The following CCSER1 variants were observed in gnomAD, a reference collection of about 807,000 sequenced individuals.
The protein encoded by CCSER1 is serine-rich coiled-coil domain-containing protein 1.
Under a neutral mutation model 82.0 loss-of-function variants are expected in CCSER1, and 41 were observed. The ratio of observed to expected loss-of-function variants is 0.50; its 90% confidence interval spans 0.39 to 0.65. The LOEUF (loss-of-function observed/expected upper bound fraction) is 0.65. Among genes scored for constraint, CCSER1 ranks in the 30% least tolerant of loss-of-function variants. The probability of loss-of-function intolerance (pLI) is 0.00; values close to 1 mark genes in which losing one functional copy is unlikely to be tolerated. For missense variants in CCSER1, 1,119 were observed against 1,064.2 expected, an observed-to-expected ratio of 1.05 and a Z score of -0.72; for synonymous variants, 414 against 383.9, an observed-to-expected ratio of 1.08 and a Z score of -0.92.
intron 1 of CCSER1, among the ~76,000 whole-genome samples, chr4:90,276,863 A>G (rs1006576510): frequency 3.9e-5 from 6 of 151,982 alleles, no homozygotes; most frequent in African/African-American, 1.5e-4. Flanking sequence ...GTATGTGGCT[A>G]TTGTAAATGA....
intron 10 of CCSER1, chr4:91,108,173 A>G (rs1029531632): frequency 2.6e-5 from 4 of 152,250 alleles, no homozygotes; most frequent in African/African-American, 4.8e-5. Flanking sequence ...TCCAATGTAT[A>G]TCTAATCCAT....
At chr4:90,648,818 A>G (rs1230114134) in intron 6 of CCSER1, among the ~76,000 whole-genome samples, 3 of 152,198 alleles carry the variant, frequency 2.0e-5, no homozygotes, top group Admixed American at 1.3e-4. Context: ...AAAGTAATAT[A>G]CCAGTCAATA....
chr4:91,191,950 T>C (rs915879046), intron 10 of CCSER1, among the ~76,000 whole-genome samples: 2 of 152,200 alleles, frequency 1.3e-5, no homozygotes, highest in African/African-American at 4.8e-5. Flanking sequence ...AGTAGCCTAT[T>C]TTCACTGCTT....
chr4:91,238,157 C>T (rs1005632774), intron 10 of CCSER1, among the ~76,000 whole-genome samples: 2 of 151,916 alleles, frequency 1.3e-5, no homozygotes, highest in Non-Finnish European at 2.9e-5. Context: ...TTGACTTTGA[C>T]GTTATCAAAA....
chr4:90,351,527 G>T (rs1209011991), intron 3 of CCSER1, among the ~76,000 whole-genome samples: 1 of 152,018 alleles, frequency 6.6e-6, no homozygotes, highest in East Asian at 1.9e-4. Context: ...AAATGGAACA[G>T]AATTCCACTT....
intron 10 of CCSER1, among the ~76,000 whole-genome samples, chr4:91,276,546 G>T (rs538000244): frequency 6.6e-6 from 1 of 152,038 alleles, no homozygotes; most frequent in Admixed American, 6.5e-5. Context: ...TTTTGGTGGA[G>T]TCTTTAGCTC....
intron 9 of CCSER1, among the ~76,000 whole-genome samples, chr4:91,024,111 G>A (rs1110742): frequency 0.36 from 54,295 of 151,752 alleles, 10,952 homozygotes; most frequent in East Asian, 0.58. Flanking sequence ...TTCCCTTCCC[G>A]TGATAACCCA....
At chr4:91,326,656 T>C (rs1033036088) in intron 10 of CCSER1, among the ~76,000 whole-genome samples, 52 of 152,132 alleles carry the variant, frequency 3.4e-4, no homozygotes, top group African/African-American at 1.1e-3. Context: ...ACTCATTCCA[T>C]CATTAAGTCA....
At chr4:90,668,073 G>T (rs368664686) in intron 6 of CCSER1, among the ~76,000 whole-genome samples, 2 of 152,236 alleles carry the variant, frequency 1.3e-5, no homozygotes, top group Admixed American at 1.3e-4. Flanking sequence ...GATTTTGGTA[G>T]ATCTAAAGAT....
intron 5 of CCSER1, among the ~76,000 whole-genome samples, chr4:90,508,349 A>G (rs1428487593): frequency 6.6e-6 from 1 of 152,062 alleles, no homozygotes; most frequent in Non-Finnish European, 1.5e-5. Flanking sequence ...TATTAAAATT[A>G]AAGTTGTCCT....
chr4:91,406,930 C>T (rs907044853), intron 10 of CCSER1, among the ~76,000 whole-genome samples: 81 of 152,048 alleles, frequency 5.3e-4, no homozygotes, highest in African/African-American at 1.9e-3. Flanking sequence ...CACAACATGG[C>T]ACATTGAAGA....
At chr4:91,055,339 C>T (rs574591114) in intron 9 of CCSER1, among the ~76,000 whole-genome samples, 35 of 152,156 alleles carry the variant, frequency 2.3e-4, no homozygotes, top group South Asian at 1.9e-3. Flanking sequence ...CATGTGTATC[C>T]GAAACATGAA....
intron 4 of CCSER1, among the ~76,000 whole-genome samples, chr4:90,439,609 T>C (rs950850094): frequency 6.6e-6 from 1 of 152,204 alleles, no homozygotes; most frequent in Non-Finnish European, 1.5e-5. Flanking sequence ...TATATCCTAA[T>C]TCTGGCTTAA....
At chr4:90,213,066 T>C (rs1740335812) in intron 1 of CCSER1, among the ~76,000 whole-genome samples, 1 of 152,136 alleles carries the variant, frequency 6.6e-6, no homozygotes, top group African/African-American at 2.4e-5. Context: ...TATGCGTGCT[T>C]TATAAGGAAG....
At chr4:91,350,456 G>C (rs569885827) in intron 10 of CCSER1, among the ~76,000 whole-genome samples, 1 of 152,062 alleles carries the variant, frequency 6.6e-6, no homozygotes, top group South Asian at 2.1e-4. Flanking sequence ...CCTCTTTTTA[G>C]TGTCATTTAA....
intron 10 of CCSER1, among the ~76,000 whole-genome samples, chr4:91,462,782 G>T (rs961746077): frequency 6.6e-6 from 1 of 152,106 alleles, no homozygotes; most frequent in Non-Finnish European, 1.5e-5. Flanking sequence ...GTCAGAGATC[G>T]AACTGCAAGG....
intron 10 of CCSER1, among the ~76,000 whole-genome samples, chr4:91,221,974 T>A (rs1043528213): frequency 3.3e-5 from 5 of 152,106 alleles, no homozygotes; most frequent in African/African-American, 4.8e-5. Context: ...TAACTGAATA[T>A]TCTGAATCTA....
chr4:90,307,734 C>A (rs1353628072), intron 1 of CCSER1, among the ~76,000 whole-genome samples: 1 of 151,792 alleles, frequency 6.6e-6, no homozygotes, highest in Non-Finnish European at 1.5e-5. Flanking sequence ...ATACCATTGT[C>A]TTGTTTGTGA....
At chr4:91,036,145 G>A (rs929728079) in intron 9 of CCSER1, among the ~76,000 whole-genome samples, 2 of 152,162 alleles carry the variant, frequency 1.3e-5, no homozygotes, top group Non-Finnish European at 2.9e-5. Flanking sequence ...GATGCTAAAA[G>A]TGCTACAGTA....
Sources: gnomAD v4.1 joint callset for allele counts (sites outside exome capture counted in the v4.1 genomes callset) on GRCh38, gnomAD v4.1.1 for gene constraint, MANE v1.5 for transcripts, NCBI Gene and HGNC (gene_info 2026-07-23, HGNC 2026-07-21) for gene names.